The following THRB variants were observed in gnomAD, a reference collection of about 807,000 sequenced individuals.
THRB encodes the protein nuclear receptor subfamily 1 group A member 2.
Under a neutral mutation model 47.8 loss-of-function variants are expected in THRB, and 12 were observed. That is an observed-to-expected ratio of 0.25 (90% CI 0.16 to 0.41). The LOEUF (loss-of-function observed/expected upper bound fraction) is 0.41. Among genes scored for constraint, THRB ranks in the 10% least tolerant of loss-of-function variants. The pLI is 1.00. For missense variants in THRB, 348 were observed against 589.2 expected, an observed-to-expected ratio of 0.59 and a Z score of 4.24; for synonymous variants, 218 against 212.2, an observed-to-expected ratio of 1.03 and a Z score of -0.24.
At chr3:24,193,476 G>A (rs978128430) in intron 4 of THRB, among the ~76,000 whole-genome samples, 18 of 152,210 alleles carry the variant, frequency 1.2e-4, no homozygotes, top group Admixed American at 3.3e-4. Context: ...GAATAAGCGT[G>A]TAGTTTCTTC....
At chr3:24,428,826 A>T (rs1273737189) in intron 1 of THRB, among the ~76,000 whole-genome samples, 1 of 151,950 alleles carries the variant, frequency 6.6e-6, no homozygotes, top group Non-Finnish European at 1.5e-5. Context: ...ACTGCAAAAA[A>T]GATACCTTAA....
At chr3:24,294,619 A>C (rs1198473736) in intron 3 of THRB, among the ~76,000 whole-genome samples, 1 of 152,060 alleles carries the variant, frequency 6.6e-6, no homozygotes, top group Non-Finnish European at 1.5e-5. Context: ...CTGCCTAGAG[A>C]GGTGACTCTG....
At chr3:24,314,327 A>G (rs2057965416) in intron 2 of THRB, among the ~76,000 whole-genome samples, 2 of 152,234 alleles carry the variant, frequency 1.3e-5, no homozygotes. Flanking sequence ...GCCTAGTTCC[A>G]TTGCAGCAAT....
chr3:24,331,543 T>C (rs1240908109), intron 2 of THRB, among the ~76,000 whole-genome samples: 1 of 152,176 alleles, frequency 6.6e-6, no homozygotes, highest in Admixed American at 6.5e-5. Context: ...GATACCAAAG[T>C]GTGAAATCAT....
chr3:24,133,695 A>AAGAGAG (rs10652016), intron 8 of THRB, among the ~76,000 whole-genome samples: 8,700 of 150,300 alleles, frequency 0.058, 335 homozygotes, highest in Non-Finnish European at 0.081. Flanking sequence ...TTGCTGCAGA[A>AAGAGAG]AGAGAGAGAG....
At chr3:24,144,725 T>C (rs1436778247) in intron 7 of THRB, 4 of 152,156 alleles carry the variant, frequency 2.6e-5, no homozygotes, top group African/African-American at 9.7e-5. Flanking sequence ...TTAGACGTCA[T>C]CTAGTCCTAC....
At chr3:24,245,576 G>A (rs960440396) in intron 3 of THRB, among the ~76,000 whole-genome samples, 1 of 152,070 alleles carries the variant, frequency 6.6e-6, no homozygotes, top group African/African-American at 2.4e-5. Flanking sequence ...ATGCCTCCCC[G>A]CACAGGGACC....
intron 1 of THRB, among the ~76,000 whole-genome samples, chr3:24,362,977 A>T (rs1221953771): frequency 2.6e-5 from 4 of 152,172 alleles, no homozygotes; most frequent in Admixed American, 2.6e-4. Flanking sequence ...TGGGACTAGG[A>T]CAATTACTGG....
At chr3:24,394,729 T>C (rs559374710) in intron 1 of THRB, among the ~76,000 whole-genome samples, 2 of 152,224 alleles carry the variant, frequency 1.3e-5, no homozygotes, top group Non-Finnish European at 2.9e-5. Flanking sequence ...TCACACACTG[T>C]AGTTTAAATG....
chr3:24,168,777 G>A (rs1013409026), intron 5 of THRB, among the ~76,000 whole-genome samples: 7 of 151,412 alleles, frequency 4.6e-5, no homozygotes, highest in Non-Finnish European at 1.0e-4. Flanking sequence ...GGCTTCACCT[G>A]CCTTTGAGTT....
chr3:24,383,115 C>T (rs569188642), intron 1 of THRB, among the ~76,000 whole-genome samples: 7 of 152,148 alleles, frequency 4.6e-5, no homozygotes, highest in African/African-American at 1.7e-4. Context: ...TACTTGTTTG[C>T]GATTAATATC....
intron 1 of THRB, among the ~76,000 whole-genome samples, chr3:24,370,028 G>T (rs980595298): frequency 2.7e-4 from 41 of 151,958 alleles, no homozygotes; most frequent in Admixed American, 9.8e-4. Context: ...AGTATTAAAA[G>T]ATGCTAGTTT....
chr3:24,127,566 A>G lies in THRB; in HGVS notation c.1077T>C (p.Ser359=), dbSNP rs1178613993. ...TGTCATCCAGGTTGAAAGAAGACAG[A>G]GACATGCCCAGGTCAAAGATGGCGT... is the stretch of plus-strand genomic sequence containing the variant. The part of the protein sequence containing the change: ...VSDAIFDLGM[S]LSSFNLDDTE... The change falls in exon 10 of 11, where the codon TCT becomes TCC. Residue 359 remains serine, a synonymous_variant. Transcript: ENST00000646209. 8 of 1,614,098 alleles carry G rather than the reference A, an allele frequency of 5.0e-6. No homozygotes were observed. Among genetic ancestry groups the G allele is most frequent in the Non-Finnish European group, 6.8e-6 (8 of 1,180,054 alleles).
intron 2 of THRB, among the ~76,000 whole-genome samples, chr3:24,317,975 C>T (rs757008732): frequency 2.6e-5 from 4 of 152,118 alleles, no homozygotes; most frequent in Non-Finnish European, 5.9e-5. Flanking sequence ...GGAGGATCAC[C>T]TGACCCTCAG....
At chr3:24,404,077 C>T (rs996941632) in intron 1 of THRB, among the ~76,000 whole-genome samples, 1 of 151,746 alleles carries the variant, frequency 6.6e-6, no homozygotes, top group African/African-American at 2.4e-5. Context: ...TGATAGATTC[C>T]CATAGTTAAA....
intron 5 of THRB, among the ~76,000 whole-genome samples, chr3:24,186,944 C>T (rs1251021426): frequency 1.3e-5 from 1 of 77,534 alleles, no homozygotes; most frequent in African/African-American, 4.7e-5. Flanking sequence ...GACTCCATTT[C>T]AAAAAAAAAA....
Position 24,132,793 on chromosome 3 carries a change from C to T in THRB, c.885+523G>A, listed in dbSNP as rs148703355. Among the ~76,000 whole-genome samples the T allele has an allele frequency of 2.0e-3, 311 of 152,324 alleles. 1 individual carries two copies. The highest frequency in any genetic ancestry group is 6.7e-3 in the African/African-American group (278 of 41,570). On this transcript the variant is annotated intron_variant, in intron 9 of 10. Transcript: ENST00000646209. ...GCCTGGTTCTATGAGGGGCATTTAA[C>T]TTATTCTTGAGGATTAAGAAACGAC... is the stretch of plus-strand genomic sequence containing the variant.
intron 1 of THRB, among the ~76,000 whole-genome samples, chr3:24,482,677 G>C (rs1038846222): frequency 6.6e-6 from 1 of 151,892 alleles, no homozygotes; most frequent in African/African-American, 2.4e-5. Context: ...TCCCTGCTCC[G>C]TGACAGGGCA....
intron 1 of THRB, among the ~76,000 whole-genome samples, chr3:24,345,409 G>A (rs2062949918): frequency 6.6e-6 from 1 of 152,092 alleles, no homozygotes; most frequent in Non-Finnish European, 1.5e-5. Flanking sequence ...TTATATACAA[G>A]AACAAGCTTT....
Sources: allele counts gnomAD v4.1 joint callset (sites outside exome capture counted in the v4.1 genomes callset), GRCh38; gene constraint gnomAD v4.1.1; transcripts MANE v1.5; gene names NCBI Gene and HGNC (gene_info 2026-07-23, HGNC 2026-07-21).